Variants in CDH13 observed in about 807,000 individuals in gnomAD.
CDH13 encodes the protein cadherin 13, also known as cadherin-13.
CDH13 carries 24 observed loss-of-function variants against 63.8 expected under a neutral mutation model. The ratio of observed to expected loss-of-function variants is 0.38; its 90% CI spans 0.27 to 0.53. The LOEUF is 0.53. Ranked by LOEUF, CDH13 falls within the 20% of genes least tolerant of loss-of-function variation. CDH13 has a pLI of 0.85. For missense variants in CDH13, 1,049 were observed against 903.1 expected, an observed-to-expected ratio of 1.16 and a Z score of -2.07; for synonymous variants, 503 against 355.3, an observed-to-expected ratio of 1.42 and a Z score of -4.67.
chr16:83,262,949 T>C (rs566408062), intron 5 of CDH13, among the ~76,000 whole-genome samples: 4 of 152,242 alleles, frequency 2.6e-5, no homozygotes, highest in South Asian at 2.1e-4. Context: ...TAAATTGATA[T>C]GATGTTGTTT....
chr16:83,005,214 C>T (rs900569718), intron 2 of CDH13, among the ~76,000 whole-genome samples: 7 of 152,212 alleles, frequency 4.6e-5, no homozygotes, highest in Non-Finnish European at 1.0e-4. Context: ...TGGCTCTACC[C>T]TTCACAGCTG....
rs946834121 is a variant in CDH13, at chr16:83,391,330, C to T, written c.781+46324C>T. Among the ~76,000 whole-genome samples, 6 of 152,052 alleles carry T rather than the reference C, an allele frequency of 3.9e-5. No individual in the cohort carries two copies. The East Asian group carries it at 9.7e-4, about 25-fold the overall frequency. The stretch of plus-strand genomic sequence containing the variant: ...AAATGATTCTCCTGCCTCAGCCTCC[C>T]GAGTAGCTGGGATTACAGGTGCCTA... On this transcript the variant is annotated intron_variant, in intron 6 of 13. Coordinates refer to ENST00000567109, the MANE Select transcript of CDH13 (RefSeq NM_001257.5).
intron 5 of CDH13, among the ~76,000 whole-genome samples, chr16:83,293,705 T>G (rs1421637260): frequency 1.3e-5 from 2 of 152,218 alleles, no homozygotes; most frequent in African/African-American, 4.8e-5. Context: ...GTCAACTTAT[T>G]CATTCAGAGC....
intron 2 of CDH13, among the ~76,000 whole-genome samples, chr16:82,956,974 CA>C (rs796086891): frequency 1.3e-3 from 192 of 152,194 alleles, no homozygotes; most frequent in African/African-American, 4.4e-3. Flanking sequence ...AAAGTGGAGA[CA>C]GGGGTGGAGA....
chr16:83,373,216 C>G (rs768380874), intron 6 of CDH13, among the ~76,000 whole-genome samples: 2 of 152,090 alleles, frequency 1.3e-5, no homozygotes, highest in African/African-American at 2.4e-5. Context: ...CAAACTAGGA[C>G]AGTTGTAGGA....
intron 10 of CDH13, among the ~76,000 whole-genome samples, chr16:83,739,611 C>T (rs1231404430): frequency 1.3e-5 from 2 of 152,096 alleles, no homozygotes; most frequent in African/African-American, 4.8e-5. Context: ...AGATCCAAGG[C>T]AACTAAAGGG....
chr16:82,728,153 C>T (rs151023863), intron 1 of CDH13, among the ~76,000 whole-genome samples: 8 of 152,222 alleles, frequency 5.3e-5, no homozygotes, highest in Admixed American at 1.3e-4. Flanking sequence ...TTGACACATA[C>T]AAAGCACTCC....
chr16:82,751,464 C>T (rs2034410598), intron 1 of CDH13, among the ~76,000 whole-genome samples: 1 of 152,112 alleles, frequency 6.6e-6, no homozygotes, highest in Admixed American at 6.5e-5. Flanking sequence ...TTGCCCTACA[C>T]AAGGCACACA....
At chr16:82,656,514 C>G (rs188856718) in intron 1 of CDH13, among the ~76,000 whole-genome samples, 6 of 152,272 alleles carry the variant, frequency 3.9e-5, no homozygotes, top group African/African-American at 1.4e-4. Flanking sequence ...AGCCTTGTCC[C>G]ACTATCAACA....
chr16:83,016,010 G>T (rs565098102), intron 2 of CDH13, among the ~76,000 whole-genome samples: 5 of 152,012 alleles, frequency 3.3e-5, no homozygotes, highest in African/African-American at 1.2e-4. Context: ...TATTGTTGTC[G>T]AGTGGAGAAA....
intron 7 of CDH13, among the ~76,000 whole-genome samples, chr16:83,548,158 C>T (rs1394267530): frequency 6.6e-6 from 1 of 151,938 alleles, no homozygotes; most frequent in Non-Finnish European, 1.5e-5. Flanking sequence ...TCACTTAAAC[C>T]TAGTGGGGGT....
intron 6 of CDH13, among the ~76,000 whole-genome samples, chr16:83,447,076 A>AC (rs2072718488): frequency 1.3e-5 from 1 of 79,044 alleles, no homozygotes; most frequent in Admixed American, 1.4e-4. Context: ...AAAAAAAAAC[A>AC]AAAAACACCT....
At chr16:82,855,833 C>G (rs1597810476) in intron 1 of CDH13, among the ~76,000 whole-genome samples, 1 of 152,292 alleles carries the variant, frequency 6.6e-6, no homozygotes, top group East Asian at 1.9e-4. Context: ...TTGATTCTTG[C>G]TCCCTTCTTT....
intron 7 of CDH13, among the ~76,000 whole-genome samples, chr16:83,585,041 A>G (rs902507053): frequency 2.0e-5 from 3 of 152,120 alleles, no homozygotes; most frequent in African/African-American, 7.2e-5. Context: ...GGGGGTTACA[A>G]TTCAACATGA....
intron 8 of CDH13, among the ~76,000 whole-genome samples, chr16:83,648,224 G>A (rs768470124): frequency 1.3e-5 from 2 of 152,134 alleles, no homozygotes; most frequent in African/African-American, 2.4e-5. Flanking sequence ...ATGTCTGGCC[G>A]TGTGTTCTCA....
At chr16:83,736,088 C>G (rs2150956995) in intron 10 of CDH13, among the ~76,000 whole-genome samples, 1 of 152,278 alleles carries the variant, frequency 6.6e-6, no homozygotes, top group African/African-American at 2.4e-5. Flanking sequence ...AAAAGCCACC[C>G]AATCTGGATA....
At chr16:83,283,803 C>G (rs1359325743) in intron 5 of CDH13, among the ~76,000 whole-genome samples, 1 of 152,090 alleles carries the variant, frequency 6.6e-6, no homozygotes, top group Non-Finnish European at 1.5e-5. Context: ...ATCCTTTGGT[C>G]TTAGAATAGC....
chr16:83,654,755 TC>T (rs1366537827), intron 8 of CDH13: 1 of 152,218 alleles, frequency 6.6e-6, no homozygotes, highest in Non-Finnish European at 1.5e-5. Context: ...CCATCATTCG[TC>T]CCCTTTCTGC....
At chr16:83,208,440 C>G (rs570616121) in intron 4 of CDH13, among the ~76,000 whole-genome samples, 7 of 152,044 alleles carry the variant, frequency 4.6e-5, no homozygotes, top group African/African-American at 1.7e-4. Flanking sequence ...ACACAAATGC[C>G]TCTGAACAGC....
Sources: allele counts gnomAD v4.1 joint callset (sites outside exome capture counted in the v4.1 genomes callset), GRCh38; gene constraint gnomAD v4.1.1; transcripts MANE v1.5; gene names NCBI Gene and HGNC (gene_info 2026-07-23, HGNC 2026-07-21).